The following TNS3 variants were observed in gnomAD, a reference collection of about 807,000 sequenced individuals.
TNS3 encodes the protein tensin 3, also known as tensin-3.
A neutral mutation model predicts 140.9 loss-of-function variants in TNS3; 45 were observed. That is an observed-to-expected ratio of 0.32 (90% CI 0.25 to 0.41). The LOEUF (loss-of-function observed/expected upper bound fraction) is 0.41. TNS3 is among the 10% of genes least tolerant of loss of function. TNS3 has a pLI of 1.00. For synonymous variants in TNS3, 815 were observed against 788.4 expected, an observed-to-expected ratio of 1.03 and a Z score of -0.56; for missense variants, 1,716 against 1,906.7, an observed-to-expected ratio of 0.90 and a Z score of 1.86.
intron 1 of TNS3, among the ~76,000 whole-genome samples, chr7:47,544,899 A>C (rs1335558321): frequency 1.3e-5 from 2 of 151,870 alleles, no homozygotes; most frequent in Non-Finnish European, 2.9e-5. Flanking sequence ...ACTCCTTGCC[A>C]AGCATTTCTT....
chr7:47,339,163 T>G (rs1788800061), intron 20 of TNS3, among the ~76,000 whole-genome samples: 1 of 152,218 alleles, frequency 6.6e-6, no homozygotes, highest in Non-Finnish European at 1.5e-5. Context: ...TTTGTCTTTT[T>G]TATCCTCTTC....
At chr7:47,538,680 A>G (rs897917602) in intron 1 of TNS3, among the ~76,000 whole-genome samples, 4 of 152,194 alleles carry the variant, frequency 2.6e-5, no homozygotes, top group Non-Finnish European at 5.9e-5. Context: ...CTGCTCTTCA[A>G]CTTTTAACTA....
intron 16 of TNS3, among the ~76,000 whole-genome samples, chr7:47,386,390 G>A (rs1331259967): frequency 1.3e-5 from 2 of 152,334 alleles, no homozygotes; most frequent in Non-Finnish European, 1.5e-5. Flanking sequence ...CCTGCACTTC[G>A]CATCAGTCTC....
intron 20 of TNS3, among the ~76,000 whole-genome samples, chr7:47,340,162 C>T (rs1353956698): frequency 5.3e-5 from 6 of 112,574 alleles, no homozygotes; most frequent in Admixed American, 5.1e-4. Flanking sequence ...TCTAGCTCGT[C>T]GCCAGGCTGG....
At chr7:47,507,042 T>C (rs989616380) in intron 2 of TNS3, 98 bp from the exon 3 acceptor site, 3 of 1,063,600 alleles carry the variant, frequency 2.8e-6, no homozygotes, top group Non-Finnish European at 3.8e-6. Flanking sequence ...AGTCTCTGGC[T>C]TGAAGATCCC....
At chr7:47,553,939 G>A (rs1425747570) in intron 1 of TNS3, among the ~76,000 whole-genome samples, 5 of 151,840 alleles carry the variant, frequency 3.3e-5, no homozygotes, top group Non-Finnish European at 4.4e-5. Flanking sequence ...CGAGTAGCTG[G>A]GATTACAGGA....
rs531797962 is a variant in TNS3, at chr7:47,426,460, C to A, written c.389+1852G>T. On this transcript the variant is annotated intron_variant, in intron 9 of 30. Coordinates refer to ENST00000311160, the MANE Select transcript of TNS3 (RefSeq NM_022748.12). ...AGTCACAAAAAGCATGTGGTATCAG[C>A]CCATTTAATTGAAAGGCACTTAATA... Among the ~76,000 whole-genome samples the A allele has an allele frequency of 1.2e-4, 18 of 152,272 alleles. No homozygotes were observed. In the East Asian group the frequency reaches 1.5e-3, roughly 13 times the overall value.
intron 16 of TNS3, among the ~76,000 whole-genome samples, chr7:47,376,894 C>T (rs2151195838): frequency 6.6e-6 from 1 of 152,282 alleles, no homozygotes; most frequent in African/African-American, 2.4e-5. Context: ...AGTTTTTGTT[C>T]CGTTTCTTAA....
At chr7:47,358,112 G>A (rs139409852) in intron 17 of TNS3, among the ~76,000 whole-genome samples, 92 of 151,770 alleles carry the variant, frequency 6.1e-4, no homozygotes, top group African/African-American at 2.2e-3. Flanking sequence ...CCCCCATCAC[G>A]TGACCTTACT....
chr7:47,446,865 G>T (rs199801021), intron 4 of TNS3, among the ~76,000 whole-genome samples: 2 of 147,226 alleles, frequency 1.4e-5, no homozygotes, highest in Non-Finnish European at 1.5e-5. Context: ...GCTAATTTTT[G>T]TTTTTTTTTT....
intron 4 of TNS3, among the ~76,000 whole-genome samples, chr7:47,464,488 G>A (rs1393867713): frequency 3.9e-5 from 6 of 152,022 alleles, no homozygotes; most frequent in African/African-American, 1.5e-4. Context: ...AGGTGGCCCC[G>A]GGTGGCAGCC....
At chr7:47,524,865 G>C (rs968351121) in intron 2 of TNS3, among the ~76,000 whole-genome samples, 1 of 149,350 alleles carries the variant, frequency 6.7e-6, no homozygotes, top group Admixed American at 6.7e-5. Context: ...GCATCCCTGC[G>C]GTGGAAAGTA....
In TNS3 at chr7:47,435,375, G is replaced by C. The variant is rs376895905; in HGVS notation, c.231C>G (p.His77Gln). 6.2e-7 allele frequency: 1 copy of C among 1,613,802 alleles called. No individual in the cohort carries two copies. The change falls in exon 8 of 31, where the codon CAC becomes CAG. Residue 77 changes from histidine (H) to glutamine (Q), a missense_variant. His to Gln is a conservative substitution (Grantham distance 24). Around this residue, in one of 3 missense-constraint regions of TNS3, gnomAD observed 337 missense variants for 428.9 expected, o/e 0.79. Coordinates refer to ENST00000311160, the MANE Select transcript of TNS3 (RefSeq NM_022748.12). The stretch of plus-strand genomic sequence containing the variant: ...TACACATCTTATCCAGGGGCGGTGC[G>C]TGGAGCTCTGGCCAGCCCACATCCA... ...KIMDVGWPEL[H>Q]APPLDKMCTI...
intron 2 of TNS3, among the ~76,000 whole-genome samples, chr7:47,518,364 G>A (rs1410779619): frequency 6.6e-6 from 1 of 152,050 alleles, no homozygotes; most frequent in Non-Finnish European, 1.5e-5. Context: ...TTATCTATTT[G>A]CTGTTCTCAC....
intron 20 of TNS3, among the ~76,000 whole-genome samples, chr7:47,325,401 T>A (rs1019690674): frequency 6.6e-6 from 1 of 152,114 alleles, no homozygotes; most frequent in African/African-American, 2.4e-5. Flanking sequence ...AGCTATCCAT[T>A]CTACCTGAGG....
Position 47,464,394 on chromosome 7 carries a change from C to T in TNS3, c.-76+16709G>A, listed in dbSNP as rs112339698. ...TTCTCAGGTGGAAGGAAATCATAAA[C>T]GTCAGGTCACCCAAACCCCAGAGGC... On this transcript the variant is annotated intron_variant, in intron 4 of 30. Transcript: ENST00000311160. Among the ~76,000 whole-genome samples, 285 of 152,258 alleles carry T rather than the reference C, an allele frequency of 1.9e-3. 3 individuals are homozygous for T. The highest frequency in any genetic ancestry group is 6.4e-3 in the African/African-American group (267 of 41,554).
At chr7:47,507,375 A>G (rs142270454) in intron 2 of TNS3, among the ~76,000 whole-genome samples, 1 of 152,306 alleles carries the variant, frequency 6.6e-6, no homozygotes, top group Admixed American at 6.5e-5. Context: ...AAGAAGAGAA[A>G]CTGGAAGATG....
At chr7:47,501,056 G>C (rs1264327071) in intron 3 of TNS3, among the ~76,000 whole-genome samples, 1 of 151,978 alleles carries the variant, frequency 6.6e-6, no homozygotes, top group Non-Finnish European at 1.5e-5. Flanking sequence ...CTGCATTCCA[G>C]CCCGGGTGAC....
rs901952311 is a variant in TNS3, at chr7:47,363,166, A to C, written c.2281+5199T>G. On this transcript the variant is annotated intron_variant, in intron 17 of 30. Transcript: ENST00000311160. The stretch of plus-strand genomic sequence containing the variant: ...ATCACCATCATCATCATCAGTCATC[A>C]CCATCATAAGGGTCATCACCATCAA... Among the ~76,000 whole-genome samples the C allele has an allele frequency of 2.5e-4, 31 of 122,186 alleles. 1 individual carries two copies. Among genetic ancestry groups the C allele is most frequent in the Middle Eastern group, 5.1e-3 (1 of 196 alleles). The allele number at this position is 122,186 out of a possible 152,430, so 80.2% of individuals were successfully genotyped here.
Sources: gnomAD v4.1 joint callset for allele counts (sites outside exome capture counted in the v4.1 genomes callset) on GRCh38, gnomAD v4.1.1 for gene constraint, gnomAD v4.1.1 regional missense constraint, MANE v1.5 for transcripts, NCBI Gene and HGNC (gene_info 2026-07-23, HGNC 2026-07-21) for gene names.